N4BP2L2: variants seen among roughly 807,000 people sequenced by gnomAD.
N4BP2L2 encodes NEDD4 binding protein 2 like 2.
N4BP2L2 carries 50 observed loss-of-function variants against 56.2 expected under a neutral mutation model. That is an observed-to-expected ratio of 0.89 (90% CI 0.71 to 1.13). The LOEUF (loss-of-function observed/expected upper bound fraction) is 1.13. N4BP2L2 is among the 50% of genes most tolerant of loss of function. The pLI is 0.00. For synonymous variants in N4BP2L2, 203 were observed against 223.6 expected (o/e 0.91, Z 0.82); for missense variants, 689 against 693.8 (o/e 0.99, Z 0.08).
intron 6 of N4BP2L2, among the ~76,000 whole-genome samples, chr13:32,469,575 A>T (rs1184783814): frequency 6.6e-6 from 1 of 152,004 alleles, no homozygotes; most frequent in African/African-American, 2.4e-5. Flanking sequence ...AGGCCTAGGG[A>T]CCCCCACCCC....
At chr13:32,471,294 A>C (rs2082241920) in intron 6 of N4BP2L2, among the ~76,000 whole-genome samples, 1 of 152,104 alleles carries the variant, frequency 6.6e-6, no homozygotes, top group Non-Finnish European at 1.5e-5. Context: ...CTTGGCCTAG[A>C]GGGTGAAATG....
intron 2 of N4BP2L2, among the ~76,000 whole-genome samples, 189 bp downstream of exon 2, chr13:32,535,580 A>G (rs903777946): frequency 1.3e-5 from 2 of 152,030 alleles, no homozygotes; most frequent in African/African-American, 4.8e-5. Context: ...TTTTTATTTC[A>G]TTTTTTAGAG....
intron 6 of N4BP2L2, among the ~76,000 whole-genome samples, chr13:32,484,634 G>A (rs1227197688): frequency 2.0e-5 from 3 of 151,930 alleles, no homozygotes; most frequent in Admixed American, 6.6e-5. Flanking sequence ...CTGGCACAGC[G>A]CCACCACGCC....
chr13:32,479,979 C>CA (rs2084255088), intron 6 of N4BP2L2, among the ~76,000 whole-genome samples: 1 of 151,210 alleles, frequency 6.6e-6, no homozygotes, highest in Non-Finnish European at 1.5e-5. Context: ...GATAAATTTC[C>CA]AAAACTGATG....
chr13:32,455,962 G>A (rs2078911636), intron 6 of N4BP2L2, among the ~76,000 whole-genome samples: 1 of 152,252 alleles, frequency 6.6e-6, no homozygotes, highest in East Asian at 1.9e-4. Context: ...CCACCACCAC[G>A]ACTGCCATCA....
At chr13:32,521,510 G>T in intron 4 of N4BP2L2, 61 bp from the exon 5 acceptor site, 1 of 1,166,754 alleles carries the variant, frequency 8.6e-7, no homozygotes, top group Non-Finnish European at 1.3e-6. Context: ...GTAAAAAGAA[G>T]GCAGACAGTT....
chr13:32,492,048 A>G (rs1297135046), intron 6 of N4BP2L2, among the ~76,000 whole-genome samples: 1 of 152,200 alleles, frequency 6.6e-6, no homozygotes, highest in Non-Finnish European at 1.5e-5. Flanking sequence ...TATATTCCCC[A>G]CAAAGGCCTA....
Position 32,517,701 on chromosome 13 carries a change from C to T in N4BP2L2, c.*101G>A, listed in dbSNP as rs371436062. 38 of 1,458,042 alleles carry T rather than the reference C, an allele frequency of 2.6e-5. 1 individual carries two copies. In the South Asian group the frequency reaches 4.8e-4, roughly 19 times the overall value. 90.3% of individuals were successfully genotyped at this position (1,458,042 alleles called of 1,614,324 possible). ...CTTGCTGGGAACATCCTTTGTGAGG[C>T]ACTGTAGCCTTTTTTTATTTGAAAC... is the stretch of plus-strand genomic sequence containing the variant. On this transcript the variant is annotated 3_prime_UTR_variant, in exon 6 of 6. Transcript: ENST00000267068.
chr13:32,485,141 GTTATT>G (rs1462483020), intron 6 of N4BP2L2, among the ~76,000 whole-genome samples: 1 of 151,904 alleles, frequency 6.6e-6, no homozygotes, highest in Non-Finnish European at 1.5e-5. Context: ...CACCTTCCTT[GTTATT>G]TTGTTTGTTA....
intron 6 of N4BP2L2, chr13:32,477,430 AC>A (rs1173984293): frequency 5.6e-6 from 1 of 179,340 alleles, no homozygotes; most frequent in East Asian, 1.6e-4. Context: ...TGTGTCTCCA[AC>A]AGGAAAATAT....
chr13:32,487,903 G>T (rs932241403), intron 6 of N4BP2L2, among the ~76,000 whole-genome samples: 1 of 151,346 alleles, frequency 6.6e-6, no homozygotes, highest in African/African-American at 2.4e-5. Context: ...TTGTTGCCCA[G>T]GCTGGAGGGC....
intron 6 of N4BP2L2, among the ~76,000 whole-genome samples, chr13:32,480,366 A>G (rs2084365948): frequency 6.6e-6 from 1 of 152,228 alleles, no homozygotes; most frequent in Non-Finnish European, 1.5e-5. Flanking sequence ...TGCAATTGTA[A>G]AGAGTGAAAT....
In N4BP2L2 at chr13:32,535,037, A is replaced by G. The variant is rs559719015; in HGVS notation, c.1259+732T>C. Among the ~76,000 whole-genome samples the G allele has an allele frequency of 4.7e-4, 72 of 152,350 alleles. No individual in the cohort carries two copies. In the South Asian group the frequency reaches 0.014, roughly 30 times the overall value. ...ACTTCAAACTCCTGAATTTTAAGAA[A>G]TCAAAAAAGGGTTCCTTCTGCCAAT... On this transcript the variant is annotated intron_variant, in intron 2 of 5. Transcript: ENST00000267068.
intron 6 of N4BP2L2, among the ~76,000 whole-genome samples, chr13:32,453,561 G>A (rs939081267): frequency 3.3e-5 from 5 of 152,118 alleles, no homozygotes; most frequent in African/African-American, 4.8e-5. Flanking sequence ...AGCATAGCAC[G>A]CTATGGCCTC....
At chr13:32,453,292 A>T (rs568430038) in intron 6 of N4BP2L2, among the ~76,000 whole-genome samples, 2 of 152,154 alleles carry the variant, frequency 1.3e-5, no homozygotes, top group Non-Finnish European at 2.9e-5. Flanking sequence ...TGATGTCAGC[A>T]AAAATGGTTG....
At chr13:32,502,827 G>A (rs548922852) in intron 6 of N4BP2L2, among the ~76,000 whole-genome samples, 4 of 152,002 alleles carry the variant, frequency 2.6e-5, no homozygotes, top group South Asian at 4.1e-4. Context: ...TATACTTCTC[G>A]ATGAAACACA....
intron 6 of N4BP2L2, among the ~76,000 whole-genome samples, chr13:32,491,348 T>C (rs904393342): frequency 6.6e-6 from 1 of 152,062 alleles, no homozygotes; most frequent in African/African-American, 2.4e-5. Context: ...CTGCTCCTGT[T>C]ATACTAAGTA....
At chr13:32,441,110 A>C (rs1460598779) in intron 7 of N4BP2L2, among the ~76,000 whole-genome samples, 1 of 151,938 alleles carries the variant, frequency 6.6e-6, no homozygotes, top group Non-Finnish European at 1.5e-5. Flanking sequence ...CCACCTCAGC[A>C]TCCCAAAGTG....
intron 6 of N4BP2L2, chr13:32,446,408 T>G: frequency 7.3e-7 from 1 of 1,363,934 alleles, no homozygotes; most frequent in Non-Finnish European, 9.8e-7. Context: ...ATGTCAGTTA[T>G]GAAATTCATC....
Sources: gnomAD v4.1 joint callset for allele counts (sites outside exome capture counted in the v4.1 genomes callset) on GRCh38, gnomAD v4.1.1 for gene constraint, MANE v1.5 for transcripts, NCBI Gene and HGNC (gene_info 2026-07-23, HGNC 2026-07-21) for gene names.